The following GLT1D1 variants were observed in gnomAD, a reference collection of about 807,000 sequenced individuals.
The protein encoded by GLT1D1 is glycosyltransferase 1 domain containing 1.
In GLT1D1, 21 loss-of-function variants were observed where a neutral mutation model predicts 28.7. That is an observed-to-expected ratio of 0.73 (90% CI 0.52 to 1.05). The LOEUF (loss-of-function observed/expected upper bound fraction) is 1.05. Among genes scored for constraint, GLT1D1 ranks in the 50% least tolerant of loss-of-function variants. The probability of loss-of-function intolerance (pLI) is 0.00; values close to 1 mark genes in which losing one functional copy is unlikely to be tolerated. For missense variants in GLT1D1, 343 were observed against 330.6 expected (o/e 1.04, Z -0.29); for synonymous variants, 147 against 124.8 (o/e 1.18, Z -1.19).
At chr12:128,913,481 A>G (rs1490979964) in intron 4 of GLT1D1, among the ~76,000 whole-genome samples, 1 of 152,192 alleles carries the variant, frequency 6.6e-6, no homozygotes, top group Non-Finnish European at 1.5e-5. Context: ...TTGGCCTCCC[A>G]GATTGCTGGG....
At chr12:128,982,504 G>A (rs1880415281) in intron 7 of GLT1D1, among the ~76,000 whole-genome samples, 1 of 152,180 alleles carries the variant, frequency 6.6e-6, no homozygotes. Context: ...GGGTCATATT[G>A]TATGGGGCTC....
At chr12:128,937,148 A>T (rs1327392690) in intron 4 of GLT1D1, among the ~76,000 whole-genome samples, 1 of 152,220 alleles carries the variant, frequency 6.6e-6, no homozygotes, top group Non-Finnish European at 1.5e-5. Context: ...CTAACTAAAA[A>T]TACTCATAAA....
intron 4 of GLT1D1, among the ~76,000 whole-genome samples, chr12:128,936,567 C>A (rs141796815): frequency 1.3e-5 from 2 of 152,192 alleles, no homozygotes; most frequent in South Asian, 4.1e-4. Context: ...CTTCTTTGAT[C>A]TCTTAGCTCA....
chr12:128,863,824 C>T (rs1956440637), intron 1 of GLT1D1, among the ~76,000 whole-genome samples: 1 of 151,514 alleles, frequency 6.6e-6, no homozygotes, highest in Non-Finnish European at 1.5e-5. Context: ...CGGGCACCTG[C>T]AATCCCAGCT....
intron 4 of GLT1D1, among the ~76,000 whole-genome samples, chr12:128,917,916 A>G (rs1466159830): frequency 6.6e-6 from 1 of 152,210 alleles, no homozygotes; most frequent in Admixed American, 6.5e-5. Context: ...CAGTGTGGCA[A>G]TTCCACAAAG....
At chr12:128,868,155 C>T (rs1222439379) in intron 1 of GLT1D1, among the ~76,000 whole-genome samples, 5 of 152,230 alleles carry the variant, frequency 3.3e-5, no homozygotes, top group Admixed American at 6.5e-5. Flanking sequence ...CACTTATCTC[C>T]GTCTCCTGCA....
chr12:128,931,905 A>ACACGCACG (rs1487298747), intron 4 of GLT1D1, among the ~76,000 whole-genome samples: 2 of 79,892 alleles, frequency 2.5e-5, no homozygotes, highest in Admixed American at 1.1e-4. Context: ...GGATATGTGC[A>ACACGCACG]CACACACGCA....
chr12:128,889,297 C>T (rs182593032), intron 3 of GLT1D1, among the ~76,000 whole-genome samples: 12 of 152,260 alleles, frequency 7.9e-5, no homozygotes, highest in African/African-American at 2.9e-4. Flanking sequence ...ATGCCATTTG[C>T]AAGAAGGGTC....
At chr12:128,914,776 T>C in intron 4 of GLT1D1, 157 bp from the exon 6 acceptor site, 1 of 563,138 alleles carries the variant, frequency 1.8e-6, no homozygotes, top group Admixed American at 2.9e-5. Context: ...GCAGAGATCG[T>C]GGCACTGCAC....
At chr12:128,933,303 G>A (rs1248316574) in intron 4 of GLT1D1, among the ~76,000 whole-genome samples, 2 of 152,284 alleles carry the variant, frequency 1.3e-5, no homozygotes, top group Non-Finnish European at 2.9e-5. Flanking sequence ...AGGCGGAGCC[G>A]AGTCCCGCGC....
At chr12:128,866,764 G>T (rs1343216092) in intron 1 of GLT1D1, among the ~76,000 whole-genome samples, 1 of 152,004 alleles carries the variant, frequency 6.6e-6, no homozygotes, top group African/African-American at 2.4e-5. Context: ...GAAATTACAG[G>T]CGTGCGCCAC....
chr12:128,935,791 A>G (rs773899397), intron 4 of GLT1D1, among the ~76,000 whole-genome samples: 3 of 152,108 alleles, frequency 2.0e-5, no homozygotes, highest in Non-Finnish European at 2.9e-5. Flanking sequence ...GGTGCCGTAC[A>G]CATGCTCATT....
At chr12:128,865,078 G>A (rs899274547) in intron 1 of GLT1D1, among the ~76,000 whole-genome samples, 40 of 152,148 alleles carry the variant, frequency 2.6e-4, no homozygotes, top group Non-Finnish European at 1.3e-4. Context: ...TGAGTCTGGT[G>A]AAATGCTCAG....
chr12:128,859,729 A>G (rs534305394), intron 1 of GLT1D1, among the ~76,000 whole-genome samples: 1 of 152,296 alleles, frequency 6.6e-6, no homozygotes, highest in South Asian at 2.1e-4. Context: ...AAAATCATGT[A>G]TGTATTTGGG....
At position 128,959,411 on chromosome 12, in the gene GLT1D1, T is replaced by TGGGCGGG. The variant is rs1387226947; in HGVS notation, c.639+1771_639+1772insCGGGGGG. 2.1e-3 allele frequency among the ~76,000 whole-genome samples: 67 copies of TGGGCGGG among 31,512 alleles called. No homozygotes were observed. In the East Asian group the frequency reaches 0.039, roughly 18 times the overall value. The allele number at this position is 31,512 out of a possible 152,430, so 20.7% of individuals were successfully genotyped here. On this transcript the variant is annotated intron_variant, in intron 7 of 7. Coordinates refer to ENST00000281703, the MANE Select transcript of GLT1D1 (RefSeq NM_144669.3). Reference sequence around the variant, plus strand: ...GATGAAAGCCAGCTTCATGAGGCAGTGGGGGGGGACGGGTGGGGAGGTGGC... The same window carrying TGGGCGGG: ...GATGAAAGCCAGCTTCATGAGGCAGTGGGCGGGGGGGGGGGACGGGTGGGGAGGTGGC...
intron 4 of GLT1D1, among the ~76,000 whole-genome samples, 173 bp from the exon 7 acceptor site, chr12:128,926,184 ACT>A (rs1386868030): frequency 7.1e-6 from 1 of 141,098 alleles, no homozygotes; most frequent in African/African-American, 2.7e-5. Flanking sequence ...ACAGAGCAAG[ACT>A]CTGTCTCAAT....
rs575378371 is a variant in GLT1D1, at chr12:128,865,796, T to C, written c.69-10118T>C. 6.6e-5 allele frequency among the ~76,000 whole-genome samples: 10 copies of C among 152,046 alleles called. No homozygotes were observed. The East Asian group carries it at 1.7e-3, about 27-fold the overall frequency. Reference sequence around the variant, plus strand: ...AAGATCGCACCACTGCACGCCAGCCTGGGTGACAGGGCGAGACTCTGCCAC... The same window carrying C: ...AAGATCGCACCACTGCACGCCAGCCCGGGTGACAGGGCGAGACTCTGCCAC... On this transcript the variant is annotated intron_variant, in intron 1 of 7. Transcript: ENST00000281703.
intron 6 of GLT1D1, among the ~76,000 whole-genome samples, chr12:128,956,158 C>CAAAA (rs1555219265): frequency 0.036 from 266 of 7,464 alleles, 49 homozygotes; most frequent in South Asian, 0.27. Flanking sequence ...GACTCCATCT[C>CAAAA]AAAAAAAAAA....
At chr12:128,979,334 C>G (rs1221237262) in intron 7 of GLT1D1, among the ~76,000 whole-genome samples, 1 of 152,126 alleles carries the variant, frequency 6.6e-6, no homozygotes, top group East Asian at 1.9e-4. Context: ...CTTGGGGCCT[C>G]ATGTCCCACC....
Sources: gnomAD v4.1 joint callset for allele counts (sites outside exome capture counted in the v4.1 genomes callset) on GRCh38, gnomAD v4.1.1 for gene constraint, MANE v1.5 for transcripts, NCBI Gene and HGNC (gene_info 2026-07-23, HGNC 2026-07-21) for gene names.